Variants in GNAO1 observed in about 807,000 individuals in gnomAD.
The protein encoded by GNAO1 is guanine nucleotide-binding protein G(o) subunit alpha.
For synonymous variants in GNAO1, 164 were observed against 180.7 expected, an observed-to-expected ratio of 0.91 and a Z score of 0.74; for missense variants, 166 against 478.7, an observed-to-expected ratio of 0.35 and a Z score of 6.10.
chr16:56,225,820 T>C (rs1348569804), intron 2 of GNAO1, among the ~76,000 whole-genome samples: 1 of 152,064 alleles, frequency 6.6e-6, no homozygotes, highest in African/African-American at 2.4e-5. Flanking sequence ...ATGAGATCGT[T>C]GCCAGCACTG....
intron 3 of GNAO1, among the ~76,000 whole-genome samples, chr16:56,306,341 T>A (rs2037396009): frequency 1.3e-5 from 2 of 152,216 alleles, no homozygotes; most frequent in Non-Finnish European, 2.9e-5. Context: ...TCTGCAGAGT[T>A]TAGGCAGGGA....
In GNAO1 at chr16:56,351,736, G is replaced by T. The variant is rs2037923423; in HGVS notation, c.877+199G>T. The T allele has an allele frequency of 5.2e-6, 3 of 573,482 alleles. No individual in the cohort carries two copies. The Admixed American group carries it at 9.2e-5, about 18-fold the overall frequency. The allele number at this position is 573,482 out of a possible 1,614,324, so 35.5% of individuals were successfully genotyped here. ...CCAGGACACAGCCCTCAGCGTGGTG[G>T]AAATGGCCCCTCCTAAGATATATGT... On this transcript the variant is annotated intron_variant, in intron 7 of 8. Coordinates refer to ENST00000262493, the MANE Select transcript of GNAO1 (RefSeq NM_020988.3). The surrounding 1 kb of genome is among the most constrained non-coding windows in gnomAD (Gnocchi z 6.1).
intron 2 of GNAO1, among the ~76,000 whole-genome samples, chr16:56,235,938 T>G (rs1166309157): frequency 2.6e-5 from 4 of 152,184 alleles, no homozygotes; most frequent in African/African-American, 9.7e-5. Flanking sequence ...ACTTGGACCT[T>G]TATCATTTGA....
At chr16:56,209,478 TG>T (rs2036364971) in intron 2 of GNAO1, among the ~76,000 whole-genome samples, 1 of 152,214 alleles carries the variant, frequency 6.6e-6, no homozygotes, top group Non-Finnish European at 1.5e-5. Flanking sequence ...AATCAGTTTT[TG>T]TGATGCATGC....
chr16:56,263,490 G>A (rs1211736035), intron 2 of GNAO1, among the ~76,000 whole-genome samples: 11 of 152,206 alleles, frequency 7.2e-5, no homozygotes, highest in Admixed American at 2.6e-4. Context: ...TGTGATGAAG[G>A]AAAATAAGGA....
chr16:56,206,109 AG>A (rs1487085703), intron 2 of GNAO1, among the ~76,000 whole-genome samples: 3 of 152,090 alleles, frequency 2.0e-5, no homozygotes, highest in Non-Finnish European at 2.9e-5. Flanking sequence ...TCACAAAGTC[AG>A]GAGATCCAGA....
chr16:56,289,840 G>A (rs2143556458), intron 3 of GNAO1, among the ~76,000 whole-genome samples: 1 of 152,290 alleles, frequency 6.6e-6, no homozygotes, highest in South Asian at 2.1e-4. Flanking sequence ...GGAACCCAGA[G>A]CAGTGGGGAA....
At chr16:56,218,223 A>G (rs1032739446) in intron 2 of GNAO1, among the ~76,000 whole-genome samples, 2 of 152,194 alleles carry the variant, frequency 1.3e-5, no homozygotes, top group Admixed American at 6.5e-5. Flanking sequence ...AAAATGTCCC[A>G]TTGTACTGAG....
chr16:56,286,446 G>A (rs1355100071), intron 3 of GNAO1, among the ~76,000 whole-genome samples: 1 of 152,132 alleles, frequency 6.6e-6, no homozygotes, highest in African/African-American at 2.4e-5. Context: ...GGGAGTGGGG[G>A]CTTGATCAGC....
rs756369884 is a variant in GNAO1, at chr16:56,192,632, A to G, written c.161+16A>G. ...AGCAGATGAAGTAAGTCCCTGTGGC[A>G]TTGGGATTCGTACTTTTATTAAGAA... is the stretch of plus-strand genomic sequence containing the variant. On this transcript the variant is annotated intron_variant, in intron 2 of 8. Coordinates refer to ENST00000262493, the MANE Select transcript of GNAO1 (RefSeq NM_020988.3). 4.7e-6 allele frequency: 7 copies of G among 1,503,684 alleles called. No homozygotes were observed. Among genetic ancestry groups the G allele is most frequent in the South Asian group, 1.1e-5 (1 of 88,914 alleles). 93.1% of individuals were successfully genotyped at this position (1,503,684 alleles called of 1,614,324 possible).
chr16:56,324,656 C>G (rs1470195087), intron 3 of GNAO1, among the ~76,000 whole-genome samples: 1 of 152,232 alleles, frequency 6.6e-6, no homozygotes, highest in African/African-American at 2.4e-5. Context: ...ACCCAAAGCC[C>G]AGGCCCCAGG....
chr16:56,237,982 A>C (rs1416331384), intron 2 of GNAO1, among the ~76,000 whole-genome samples: 1 of 152,116 alleles, frequency 6.6e-6, no homozygotes, highest in Non-Finnish European at 1.5e-5. Context: ...TCTTTCTCAA[A>C]ACTTTGGGCC....
At chr16:56,281,461 G>A (rs2037113640) in intron 3 of GNAO1, among the ~76,000 whole-genome samples, 2 of 152,018 alleles carry the variant, frequency 1.3e-5, no homozygotes, top group South Asian at 4.2e-4. Context: ...CACTAAAGGG[G>A]TTCCTGCTCT....
intron 2 of GNAO1, among the ~76,000 whole-genome samples, chr16:56,200,095 A>G (rs1215299835): frequency 2.0e-5 from 3 of 152,186 alleles, no homozygotes; most frequent in Non-Finnish European, 4.4e-5. Flanking sequence ...TACTTATGAG[A>G]ATAGCTTCTC....
In GNAO1 at chr16:56,311,433, C is replaced by T. The variant is rs1241651627; in HGVS notation, c.304-17198C>T. 6.6e-5 allele frequency among the ~76,000 whole-genome samples: 10 copies of T among 152,154 alleles called. No individual in the cohort carries two copies. Among genetic ancestry groups the T allele is most frequent in the African/African-American group, 1.7e-4 (7 of 41,430 alleles). On this transcript the variant is annotated intron_variant, in intron 3 of 8. Transcript: ENST00000262493. This position sits in a 1 kb window ranked among gnomAD's most constrained non-coding sequence, Gnocchi z 5.2. ...GGCAGAGTTGATACCCTTCCCCACC[C>T]GGGCCTGACCCCATACCCAGAGTCA...
intron 6 of GNAO1, chr16:56,341,049 TC>T: frequency 7.3e-7 from 1 of 1,378,836 alleles, no homozygotes; most frequent in Non-Finnish European, 1.0e-6. Context: ...CAAAGCCCAG[TC>T]CACCCTTCCT....
At chr16:56,297,106 G>T (rs759057178) in intron 3 of GNAO1, among the ~76,000 whole-genome samples, 1 of 152,182 alleles carries the variant, frequency 6.6e-6, no homozygotes, top group East Asian at 1.9e-4. Flanking sequence ...TGAGAAAACC[G>T]CCCTTTGGGA....
rs1320261764 is a variant in GNAO1, at chr16:56,326,810, T to C, written c.304-1821T>C. Reference sequence around the variant, plus strand: ...CTGCTCTGCTCTCACCTACTCTGCGTTGGACATTAAAGGCTGTGGCTGCCT... The same window carrying C: ...CTGCTCTGCTCTCACCTACTCTGCGCTGGACATTAAAGGCTGTGGCTGCCT... On this transcript the variant is annotated intron_variant, in intron 3 of 8. Coordinates refer to ENST00000262493, the MANE Select transcript of GNAO1 (RefSeq NM_020988.3). This position sits in a 1 kb window ranked among gnomAD's most constrained non-coding sequence, Gnocchi z 4.8. 4.6e-5 allele frequency among the ~76,000 whole-genome samples: 7 copies of C among 152,186 alleles called. No homozygotes were observed. The highest frequency in any genetic ancestry group is 1.7e-4 in the African/African-American group (7 of 41,450).
intron 2 of GNAO1, among the ~76,000 whole-genome samples, chr16:56,269,187 T>C (rs1265285257): frequency 1.3e-5 from 2 of 152,232 alleles, no homozygotes; most frequent in African/African-American, 2.4e-5. Context: ...CCCAACGTGT[T>C]CATTTGGTAA....
Sources: gnomAD v4.1 joint callset for allele counts (sites outside exome capture counted in the v4.1 genomes callset) on GRCh38, gnomAD v4.1.1 for gene constraint, Gnocchi (gnomAD v3.1) non-coding constraint, MANE v1.5 for transcripts, NCBI Gene and HGNC (gene_info 2026-07-23, HGNC 2026-07-21) for gene names.